Variants in STAT4 observed in about 807,000 individuals in gnomAD.
STAT4 encodes the protein signal transducer and activator of transcription 4.
STAT4 carries 42 observed loss-of-function variants against 110.5 expected under a neutral mutation model. The observed-to-expected ratio is 0.38, with a 90% CI of 0.30 to 0.49. STAT4 has a LOEUF of 0.49. STAT4 is among the 20% of genes least tolerant of loss of function. The probability of loss-of-function intolerance (pLI) is 0.95; values close to 1 mark genes in which losing one functional copy is unlikely to be tolerated. For synonymous variants in STAT4, 284 were observed against 302.2 expected (o/e 0.94, Z 0.63); for missense variants, 632 against 887.9 (o/e 0.71, Z 3.66).
At position 191,138,748 on chromosome 2, in the gene STAT4, A is replaced by G. The variant is rs1198500672; in HGVS notation, c.273+7865T>C. 1.3e-5 allele frequency among the ~76,000 whole-genome samples: 2 copies of G among 152,172 alleles called. No homozygotes were observed. Among genetic ancestry groups the G allele is most frequent in the Admixed American group, 1.3e-4 (2 of 15,278 alleles). ...TAGTGAAAGAGGGAATTCTCTCTAA[A>G]TCATTCCATGAAGCCAGTATCACCC... is the stretch of plus-strand genomic sequence containing the variant. On this transcript the variant is annotated intron_variant, in intron 3 of 23. Transcript: ENST00000392320. This position sits in a 1 kb window ranked among gnomAD's most constrained non-coding sequence, Gnocchi z 4.3.
rs1695951278 is a variant in STAT4, at chr2:191,033,288, C to T, written c.1853-139G>A. Reference sequence around the variant, plus strand: ...ACTTCAATGTCAGACCTTCTGCTGTCTGGACAGTATAGATTGTGCATACGA... The same window carrying T: ...ACTTCAATGTCAGACCTTCTGCTGTTTGGACAGTATAGATTGTGCATACGA... On this transcript the variant is annotated intron_variant, in intron 20 of 23. Transcript: ENST00000392320. The surrounding 1 kb of genome is among the most constrained non-coding windows in gnomAD (Gnocchi z 6.9). 4.4e-6 allele frequency: 5 copies of T among 1,146,882 alleles called. No individual in the cohort carries two copies. In the Admixed American group the frequency reaches 1.1e-4, roughly 25 times the overall value. 71.0% of individuals were successfully genotyped at this position (1,146,882 alleles called of 1,614,324 possible). A position where few individuals can be genotyped will look rare whatever the true frequency, so the allele number is the denominator to read the frequency against.
In STAT4 at chr2:191,034,620, A is replaced by C. The variant is rs3024889; in HGVS notation, c.1571-23T>G. On this transcript the variant is annotated intron_variant, in intron 17 of 23. Coordinates refer to ENST00000392320, the MANE Select transcript of STAT4 (RefSeq NM_003151.4). ...GGACTGAAATGAAAGAAAAGAATGA[A>C]ATTTTTCACTGGACAATGAGATGCT... 9,638 of 1,579,298 alleles carry C rather than the reference A, an allele frequency of 6.1e-3. 108 individuals are homozygous for C. Among genetic ancestry groups the C allele is most frequent in the East Asian group, 0.033 (1,483 of 44,662 alleles).
Position 191,032,505 on chromosome 2 carries a change from C to T in STAT4, c.2044+453G>A, listed in dbSNP as rs183952433. The stretch of plus-strand genomic sequence containing the variant: ...CCTCCCTAGCAAATGAACAAATACC[C>T]TGAGTTGTAAGACTACAGTAAGGTT... On this transcript the variant is annotated intron_variant, in intron 21 of 23. Transcript: ENST00000392320. The surrounding 1 kb of genome is among the most constrained non-coding windows in gnomAD (Gnocchi z 4.9). Among the ~76,000 whole-genome samples the T allele has an allele frequency of 4.6e-5, 7 of 152,144 alleles. No homozygotes were observed. Among genetic ancestry groups the T allele is most frequent in the Non-Finnish European group, 1.0e-4 (7 of 68,024 alleles).
chr2:191,063,473 C>T (rs1019567725), intron 8 of STAT4, among the ~76,000 whole-genome samples: 1 of 152,112 alleles, frequency 6.6e-6, no homozygotes, highest in Non-Finnish European at 1.5e-5. Context: ...CTGATAACTG[C>T]TTGGAATTTT....
rs1699286333 is a variant in STAT4 at position 191,140,279 on chromosome 2, A to C, written c.273+6334T>G. Among the ~76,000 whole-genome samples the C allele has an allele frequency of 6.6e-6, 1 of 152,272 alleles. No individual in the cohort carries two copies. The stretch of plus-strand genomic sequence containing the variant: ...ATTAACTAAAAAGCTTCTGCACAGC[A>C]AAAGAAATAATCAGCCAAGTAAACA... On this transcript the variant is annotated intron_variant, in intron 3 of 23. Coordinates refer to ENST00000392320, the MANE Select transcript of STAT4 (RefSeq NM_003151.4). The surrounding 1 kb of genome is among the most constrained non-coding windows in gnomAD (Gnocchi z 4.4).
At chr2:191,129,839 C>G (rs1007217259) in intron 3 of STAT4, among the ~76,000 whole-genome samples, 1 of 152,206 alleles carries the variant, frequency 6.6e-6, no homozygotes, top group Non-Finnish European at 1.5e-5. Flanking sequence ...TTTATTACTT[C>G]ATGTTCTGGG....
Position 191,138,676 on chromosome 2 carries a change from A to T in STAT4, c.273+7937T>A, listed in dbSNP as rs552901414. ...GATTCACAGCTGAATTCTATCAGAC[A>T]TTCAAAGAAGAATTGGTACCAGTCC... On this transcript the variant is annotated intron_variant, in intron 3 of 23. Transcript: ENST00000392320. This position sits in a 1 kb window ranked among gnomAD's most constrained non-coding sequence, Gnocchi z 4.3. Among the ~76,000 whole-genome samples the T allele has an allele frequency of 1.5e-4, 23 of 152,338 alleles. No homozygotes were observed. Among genetic ancestry groups the T allele is most frequent in the African/African-American group, 5.5e-4 (23 of 41,570 alleles).
chr2:191,148,097 T>C lies in STAT4; in HGVS notation c.107A>G (p.Gln36Arg). 6.2e-7 allele frequency: 1 copy of C among 1,613,836 alleles called. No homozygotes were observed. The highest frequency in any genetic ancestry group is 8.5e-7 in the Non-Finnish European group (1 of 1,179,802). The change falls in exon 2 of 24, where the codon CAA becomes CGA. Residue 36 changes from glutamine to arginine, a missense_variant. Transcript: ENST00000392320. ...CTACCAGTCTTGATTTTCAATCCAT[T>C]GGGCCAACAGATGCCGAATTTCCAT... The part of the protein sequence containing the change: ...FPMEIRHLLA[Q>R]WIENQDWEAA...
In STAT4 at chr2:191,034,414, C is replaced by CTCTA; in HGVS notation, c.1620+130_1620+133dup. 4.5e-6 allele frequency: 3 copies of CTCTA among 659,574 alleles called. No individual in the cohort carries two copies. In the South Asian group the frequency reaches 5.6e-5, roughly 12 times the overall value. The allele number at this position is 659,574 out of a possible 1,614,324, so 40.9% of individuals were successfully genotyped here. A position where few individuals can be genotyped will look rare whatever the true frequency, so the allele number is the denominator to read the frequency against. On this transcript the variant is annotated intron_variant, in intron 18 of 23. Coordinates refer to ENST00000392320, the MANE Select transcript of STAT4 (RefSeq NM_003151.4). Reference sequence around the variant, plus strand: ...CTCCAGCCTGGGTGACAGAGCAAGACTCTATCTCAAAAAAAAAAAAAAAAG... The same window carrying CTCTA: ...CTCCAGCCTGGGTGACAGAGCAAGACTCTATCTATCTCAAAAAAAAAAAAAAAAG...
Position 191,058,312 on chromosome 2 carries a change from T to C in STAT4, c.1095-93A>G. 7.7e-7 allele frequency: 1 copy of C among 1,293,596 alleles called. No homozygotes were observed. Among genetic ancestry groups the C allele is most frequent in the East Asian group, 2.6e-5 (1 of 39,146 alleles). 80.1% of individuals were successfully genotyped at this position (1,293,596 alleles called of 1,614,324 possible). A position where few individuals can be genotyped will look rare whatever the true frequency, so the allele number is the denominator to read the frequency against. On this transcript the variant is annotated intron_variant, in intron 11 of 23. Transcript: ENST00000392320. The surrounding 1 kb of genome is among the most constrained non-coding windows in gnomAD (Gnocchi z 4.3). Reference sequence around the variant, plus strand: ...TTTATTTTATTTATTTATTTATTTATTTTGAGACAGAGTCTCGCTCTGTCG... The same window carrying C: ...TTTATTTTATTTATTTATTTATTTACTTTGAGACAGAGTCTCGCTCTGTCG...
intron 14 of STAT4, among the ~76,000 whole-genome samples, chr2:191,047,199 C>G (rs1216588383): frequency 6.6e-6 from 1 of 152,102 alleles, no homozygotes; most frequent in Non-Finnish European, 1.5e-5. Context: ...GCTCCACACC[C>G]CTTCTCCATG....
At chr2:191,095,662 G>C (rs56755591) in intron 3 of STAT4, among the ~76,000 whole-genome samples, 3,784 of 152,208 alleles carry the variant, frequency 0.025, 160 homozygotes, top group African/African-American at 0.087. Flanking sequence ...GATAAAGCAG[G>C]AAAGATCTAA....
In STAT4 at chr2:191,058,811, A is replaced by G. The variant is rs772861944; in HGVS notation, c.1035-42T>C. ...ATAAAAAAAATCAAAGATAAAAATT[A>G]AAAGTGTTTAAAAACCCTTTTTTAT... On this transcript the variant is annotated intron_variant, in intron 10 of 23. Coordinates refer to ENST00000392320, the MANE Select transcript of STAT4 (RefSeq NM_003151.4). The surrounding 1 kb of genome is among the most constrained non-coding windows in gnomAD (Gnocchi z 4.3). 4 of 1,232,006 alleles carry G rather than the reference A, an allele frequency of 3.2e-6. No homozygotes were observed. Among genetic ancestry groups the G allele is most frequent in the African/African-American group, 1.5e-5 (1 of 65,320 alleles). 76.3% of individuals were successfully genotyped at this position (1,232,006 alleles called of 1,614,324 possible).
intron 3 of STAT4, among the ~76,000 whole-genome samples, chr2:191,137,738 G>A (rs1014320565): frequency 6.6e-6 from 1 of 152,090 alleles, no homozygotes; most frequent in Non-Finnish European, 1.5e-5. Flanking sequence ...ACTAATTTTT[G>A]ACAAAGGTGC....
In STAT4 at chr2:191,031,493, C is replaced by T. The variant is rs915485744; in HGVS notation, c.2068G>A (p.Asp690Asn). Residue 690 changes from aspartate (D) to asparagine (N), a missense_variant, in exon 22 of 24, where the codon GAC becomes AAC. Asp to Asn is a conservative substitution (Grantham distance 23). Around this residue, in one of 4 missense-constraint regions of STAT4, gnomAD observed 38 missense variants for 33.2 expected, o/e 1.15. Transcript: ENST00000392320. This position sits in a 1 kb window ranked among gnomAD's most constrained non-coding sequence, Gnocchi z 4.8. ...AAAACAGAAGGAACATAACCTTTGT[C>T]ACCCCTTTCTGTTGGTCTTGAAACT... ...CEVSRPTERG[D>N]KGYVPSVFIP... 1 of 1,613,252 alleles carries T rather than the reference C, an allele frequency of 6.2e-7. No individual in the cohort carries two copies. The highest frequency in any genetic ancestry group is 8.5e-7 in the Non-Finnish European group (1 of 1,179,600).
In STAT4 at chr2:191,033,445, T is replaced by C. The variant is rs753717175; in HGVS notation, c.1852+45A>G. ...AAAACTGAAATCCCAGTAACCAAAT[T>C]TAAGAAAACTAATTTCACATGAATA... On this transcript the variant is annotated intron_variant, in intron 20 of 23. Coordinates refer to ENST00000392320, the MANE Select transcript of STAT4 (RefSeq NM_003151.4). This position sits in a 1 kb window ranked among gnomAD's most constrained non-coding sequence, Gnocchi z 6.9. The C allele has an allele frequency of 1.3e-6, 2 of 1,578,042 alleles. No individual in the cohort carries two copies. Among genetic ancestry groups the C allele is most frequent in the Non-Finnish European group, 1.7e-6 (2 of 1,163,258 alleles).
chr2:191,103,036 C>T (rs73981279), intron 3 of STAT4, among the ~76,000 whole-genome samples: 224 of 152,304 alleles, frequency 1.5e-3, no homozygotes, highest in African/African-American at 5.2e-3. Context: ...ATCCTAGTCA[C>T]AACCTCTCTC....
Position 191,062,849 on chromosome 2 carries a change from T to G in STAT4, c.854A>C (p.Lys285Thr), listed in dbSNP as rs1224813392. Residue 285 changes from lysine (K) to threonine (T), a missense_variant, in exon 9 of 24, where the codon AAA (lysine) becomes ACA (threonine). Around this residue, in one of 4 missense-constraint regions of STAT4, gnomAD observed 488 missense variants for 632.8 expected, o/e 0.77. Coordinates refer to ENST00000392320, the MANE Select transcript of STAT4 (RefSeq NM_003151.4). This position sits in a 1 kb window ranked among gnomAD's most constrained non-coding sequence, Gnocchi z 4.9. ...AATGGGATCACCTTCATATGTCATT[T>G]TGGTAGATTGCTCCTCTAGTTTCTC... Reference protein sequence around the residue: ...QLEKLEEQSTKMTYEGDPIPM... With the variant: ...QLEKLEEQSTTMTYEGDPIPM... 6.2e-7 allele frequency: 1 copy of G among 1,613,882 alleles called. No homozygotes were observed. Among genetic ancestry groups the G allele is most frequent in the Non-Finnish European group, 8.5e-7 (1 of 1,179,928 alleles).
intron 3 of STAT4, among the ~76,000 whole-genome samples, chr2:191,096,089 T>G (rs1010241571): frequency 6.6e-6 from 1 of 152,138 alleles, no homozygotes; most frequent in Non-Finnish European, 1.5e-5. Flanking sequence ...AATCCCTGAA[T>G]AGACCAATAA....
Sources: allele counts gnomAD v4.1 joint callset (sites outside exome capture counted in the v4.1 genomes callset), GRCh38; gene constraint gnomAD v4.1.1; regional missense constraint gnomAD v4.1.1; non-coding constraint Gnocchi (gnomAD v3.1); transcripts MANE v1.5; gene names NCBI Gene and HGNC (gene_info 2026-07-23, HGNC 2026-07-21).